The following POU6F2 variants were observed in gnomAD, a reference collection of about 807,000 sequenced individuals.
POU6F2 encodes POU domain, class 6, transcription factor 2.
Under a neutral mutation model 71.3 loss-of-function variants are expected in POU6F2, and 31 were observed. The observed-to-expected ratio is 0.43, with a 90% CI of 0.33 to 0.59. The LOEUF (loss-of-function observed/expected upper bound fraction) is 0.59. Among genes scored for constraint, POU6F2 ranks in the 20% least tolerant of loss-of-function variants. POU6F2 has a pLI of 0.04. For synonymous variants in POU6F2, 347 were observed against 355.7 expected, an observed-to-expected ratio of 0.98 and a Z score of 0.27; for missense variants, 783 against 856.8, an observed-to-expected ratio of 0.91 and a Z score of 1.07.
intron 1 of POU6F2, among the ~76,000 whole-genome samples, chr7:39,076,229 T>C (rs949490588): frequency 6.6e-6 from 1 of 151,698 alleles, no homozygotes; most frequent in Non-Finnish European, 1.5e-5. Flanking sequence ...TTCCATTCCT[T>C]CCTTTTCCTC....
At chr7:39,232,784 C>T (rs528939864) in intron 4 of POU6F2, among the ~76,000 whole-genome samples, 2 of 152,242 alleles carry the variant, frequency 1.3e-5, no homozygotes, top group Non-Finnish European at 1.5e-5. Flanking sequence ...TGGCCCATGT[C>T]GTTTGCCTGA....
intron 1 of POU6F2, among the ~76,000 whole-genome samples, chr7:39,085,450 T>C (rs1791218244): frequency 6.6e-6 from 1 of 152,282 alleles, no homozygotes; most frequent in East Asian, 1.9e-4. Context: ...TTTTAGTATG[T>C]TGCTGAAGTA....
At chr7:39,438,496 A>G (rs577796100) in intron 7 of POU6F2, among the ~76,000 whole-genome samples, 1 of 152,308 alleles carries the variant, frequency 6.6e-6, no homozygotes, top group South Asian at 2.1e-4. Flanking sequence ...GCAAATCAAA[A>G]CCACAATGAG....
intron 5 of POU6F2, among the ~76,000 whole-genome samples, chr7:39,368,880 T>C (rs183248907): frequency 1.2e-4 from 19 of 152,296 alleles, no homozygotes; most frequent in African/African-American, 4.6e-4. Flanking sequence ...TTGAAAGAAG[T>C]TGATTCCAAC....
intron 2 of POU6F2, among the ~76,000 whole-genome samples, chr7:39,137,964 A>G (rs1407284883): frequency 6.6e-6 from 1 of 152,240 alleles, no homozygotes; most frequent in African/African-American, 2.4e-5. Flanking sequence ...GGACTGAGTA[A>G]TGTGAGCACA....
chr7:39,264,401 C>T (rs1784202205), intron 4 of POU6F2, among the ~76,000 whole-genome samples: 1 of 152,178 alleles, frequency 6.6e-6, no homozygotes, highest in South Asian at 2.1e-4. Context: ...ATGATTCAAT[C>T]CCTGTTATAA....
chr7:39,185,488 CA>C (rs1245670702), intron 2 of POU6F2, among the ~76,000 whole-genome samples: 1 of 152,112 alleles, frequency 6.6e-6, no homozygotes, highest in African/African-American at 2.4e-5. Flanking sequence ...TGTCTAAAAA[CA>C]AAGCCTACGT....
intron 2 of POU6F2, among the ~76,000 whole-genome samples, chr7:39,115,935 C>T (rs960160814): frequency 1.3e-5 from 2 of 152,034 alleles, no homozygotes; most frequent in Admixed American, 6.6e-5. Context: ...GAGTACTTTA[C>T]TCTCATTTGC....
chr7:39,451,457 T>TA (rs1788657972), intron 7 of POU6F2, 76 bp from the exon 8 acceptor site: 1 of 1,406,494 alleles, frequency 7.1e-7, no homozygotes, highest in African/African-American at 1.4e-5. Flanking sequence ...CACTCCCAGA[T>TA]AAAACTTCTG....
At chr7:39,080,653 C>T (rs1265833159) in intron 1 of POU6F2, among the ~76,000 whole-genome samples, 1 of 152,086 alleles carries the variant, frequency 6.6e-6, no homozygotes, top group Non-Finnish European at 1.5e-5. Flanking sequence ...ATTTTTGAAG[C>T]CTGCCTGTGT....
intron 2 of POU6F2, among the ~76,000 whole-genome samples, chr7:39,187,932 G>T (rs1793579620): frequency 6.6e-6 from 1 of 152,150 alleles, no homozygotes; most frequent in Non-Finnish European, 1.5e-5. Context: ...GATTTTACAG[G>T]TTCCACTAAA....
intron 2 of POU6F2, among the ~76,000 whole-genome samples, chr7:39,136,235 TA>T (rs1792385663): frequency 6.6e-6 from 1 of 152,072 alleles, no homozygotes; most frequent in African/African-American, 2.4e-5. Flanking sequence ...TGACAAAACC[TA>T]AATAAAAAAA....
rs1788598123 is a variant in POU6F2, at chr7:39,449,229, A to G, written c.1321-2304A>G. On this transcript the variant is annotated intron_variant, in intron 7 of 9. Transcript: ENST00000518318. ...GGATTCTCATGTTCAGCAGCCACAT[A>G]GGCTGGTTATTTATGTCACATAATC... Among the ~76,000 whole-genome samples the G allele has an allele frequency of 2.0e-5, 3 of 152,180 alleles. No individual in the cohort carries two copies. In the South Asian group the frequency reaches 6.2e-4, roughly 32 times the overall value.
At chr7:39,093,675 A>G (rs1200436894) in intron 2 of POU6F2, among the ~76,000 whole-genome samples, 3 of 152,156 alleles carry the variant, frequency 2.0e-5, no homozygotes, top group African/African-American at 7.2e-5. Flanking sequence ...AAGCATAATT[A>G]TGACAGAAGT....
intron 1 of POU6F2, among the ~76,000 whole-genome samples, chr7:38,988,401 G>A (rs964882520): frequency 2.0e-5 from 3 of 151,992 alleles, no homozygotes; most frequent in African/African-American, 7.2e-5. Context: ...ATTGAACAAT[G>A]TAACCCCTCC....
intron 5 of POU6F2, among the ~76,000 whole-genome samples, chr7:39,350,078 A>G (rs1400804736): frequency 1.3e-5 from 2 of 152,234 alleles, no homozygotes; most frequent in African/African-American, 2.4e-5. Flanking sequence ...GCTCCGATCA[A>G]TGCAACCCTT....
At chr7:39,259,968 C>G (rs187433536) in intron 4 of POU6F2, among the ~76,000 whole-genome samples, 548 of 150,756 alleles carry the variant, frequency 3.6e-3, no homozygotes, top group African/African-American at 0.013. Context: ...ACCACACACA[C>G]ACATACACAC....
chr7:39,380,603 C>G (rs1245595850), intron 5 of POU6F2, among the ~76,000 whole-genome samples: 2 of 152,034 alleles, frequency 1.3e-5, no homozygotes, highest in Non-Finnish European at 2.9e-5. Flanking sequence ...ATACTATATT[C>G]TAGCAAAAAA....
chr7:39,080,161 GGAAATATT>G (rs1390754391), intron 1 of POU6F2, among the ~76,000 whole-genome samples: 1 of 152,114 alleles, frequency 6.6e-6, no homozygotes, highest in African/African-American at 2.4e-5. Context: ...GAAAAGGTAA[GGAAATATT>G]GAATGATGAA....
Sources: allele counts gnomAD v4.1 joint callset (sites outside exome capture counted in the v4.1 genomes callset), GRCh38; gene constraint gnomAD v4.1.1; transcripts MANE v1.5; gene names NCBI Gene and HGNC (gene_info 2026-07-23, HGNC 2026-07-21).